The following TNR variants were observed in gnomAD, a reference collection of about 807,000 sequenced individuals.
The protein encoded by TNR is tenascin R, also known as tenascin-R.
TNR carries 45 observed loss-of-function variants against 150.4 expected under a neutral mutation model. That is an observed-to-expected ratio of 0.30 (90% CI 0.24 to 0.38). The LOEUF is 0.38. Ranked by LOEUF, TNR falls within the 10% of genes least tolerant of loss-of-function variation. TNR has a pLI of 1.00. For synonymous variants in TNR, 687 were observed against 678.4 expected (o/e 1.01, Z -0.20); for missense variants, 1,544 against 1,759.1 (o/e 0.88, Z 2.19).
chr1:175,629,430 C>T (rs1374474729), intron 1 of TNR, among the ~76,000 whole-genome samples: 3 of 152,142 alleles, frequency 2.0e-5, no homozygotes, highest in Non-Finnish European at 4.4e-5. Context: ...GGAGGGCAGG[C>T]CTGCAGAGAC....
intron 15 of TNR, among the ~76,000 whole-genome samples, chr1:175,357,606 GC>G (rs1409558238): frequency 6.6e-6 from 1 of 152,152 alleles, no homozygotes; most frequent in Non-Finnish European, 1.5e-5. Context: ...CTCTGCAAAT[GC>G]CCACAGTCTG....
At chr1:175,368,011 T>G (rs1330152877) in intron 9 of TNR, among the ~76,000 whole-genome samples, 1 of 152,150 alleles carries the variant, frequency 6.6e-6, no homozygotes, top group Non-Finnish European at 1.5e-5. Context: ...TCTGAGGAAA[T>G]CCTTTGGGAG....
At chr1:175,358,137 A>T (rs1557883095) in intron 15 of TNR, among the ~76,000 whole-genome samples, 2 of 152,172 alleles carry the variant, frequency 1.3e-5, no homozygotes, top group African/African-American at 4.8e-5. Flanking sequence ...AAAATGCGGG[A>T]TCATGTTATG....
At chr1:175,398,550 G>A (rs750179970) in intron 4 of TNR, among the ~76,000 whole-genome samples, 29 of 152,206 alleles carry the variant, frequency 1.9e-4, no homozygotes, top group Non-Finnish European at 2.6e-4. Flanking sequence ...TTTAGAACCT[G>A]TCAGGATTTT....
intron 1 of TNR, among the ~76,000 whole-genome samples, chr1:175,696,228 T>TTG (rs1558077878): frequency 1.7e-5 from 2 of 120,926 alleles, no homozygotes; most frequent in African/African-American, 5.8e-5. Flanking sequence ...TTTTTTTTTT[T>TTG]TTTTTTTTTT....
At chr1:175,373,457 G>C (rs1280797279) in intron 9 of TNR, among the ~76,000 whole-genome samples, 1 of 152,166 alleles carries the variant, frequency 6.6e-6, no homozygotes, top group African/African-American at 2.4e-5. Context: ...AATGACAGGT[G>C]CATCTTCAGG....
chr1:175,407,349 T>C (rs909243941), intron 2 of TNR, among the ~76,000 whole-genome samples: 1 of 152,262 alleles, frequency 6.6e-6, no homozygotes, highest in Non-Finnish European at 1.5e-5. Flanking sequence ...CATTTGTGAT[T>C]ATCTAGGGCT....
chr1:175,446,393 T>C (rs952876891), intron 2 of TNR, among the ~76,000 whole-genome samples: 1 of 152,238 alleles, frequency 6.6e-6, no homozygotes, highest in Admixed American at 6.5e-5. Context: ...TATTTTTTCT[T>C]TATTTTAGTT....
chr1:175,357,727 A>G (rs975344926), intron 15 of TNR, among the ~76,000 whole-genome samples: 17 of 152,182 alleles, frequency 1.1e-4, no homozygotes, highest in African/African-American at 3.9e-4. Flanking sequence ...AGCCCACTGG[A>G]CATGGCCCAT....
At chr1:175,666,180 A>T (rs1665527791) in intron 1 of TNR, among the ~76,000 whole-genome samples, 1 of 152,192 alleles carries the variant, frequency 6.6e-6, no homozygotes, top group Non-Finnish European at 1.5e-5. Context: ...GAACATTGAG[A>T]CTCAGAGAGG....
intron 4 of TNR, among the ~76,000 whole-genome samples, chr1:175,401,925 A>G (rs1040427692): frequency 1.3e-5 from 2 of 152,258 alleles, no homozygotes; most frequent in Non-Finnish European, 1.5e-5. Flanking sequence ...ACTGTTTAAA[A>G]CATAAACAAA....
chr1:175,590,381 T>G (rs1470620187), intron 1 of TNR, among the ~76,000 whole-genome samples: 1 of 152,248 alleles, frequency 6.6e-6, no homozygotes, highest in Non-Finnish European at 1.5e-5. Context: ...ATTATTTATT[T>G]TAACTGCTGA....
At chr1:175,438,211 A>C (rs563778601) in intron 2 of TNR, among the ~76,000 whole-genome samples, 37 of 152,328 alleles carry the variant, frequency 2.4e-4, no homozygotes, top group African/African-American at 7.9e-4. Flanking sequence ...CTGGGATGCA[A>C]GGCTGGTTCA....
intron 1 of TNR, among the ~76,000 whole-genome samples, chr1:175,670,761 G>T (rs147145674): frequency 6.6e-6 from 1 of 152,300 alleles, no homozygotes; most frequent in Non-Finnish European, 1.5e-5. Context: ...GAGAGAGGGG[G>T]ATGTGGATAC....
intron 1 of TNR, among the ~76,000 whole-genome samples, chr1:175,640,513 C>T (rs1244711382): frequency 1.3e-5 from 2 of 152,090 alleles, no homozygotes; most frequent in Non-Finnish European, 2.9e-5. Context: ...AATCTTTATT[C>T]TAAAAGCTTA....
chr1:175,632,072 G>A (rs1421611352), intron 1 of TNR, among the ~76,000 whole-genome samples: 2 of 152,230 alleles, frequency 1.3e-5, no homozygotes, highest in African/African-American at 4.8e-5. Context: ...ACTGGGAGAA[G>A]GAACCTTAGC....
At chr1:175,696,217 GTTTTTTTTTT>G (rs5778870) in intron 1 of TNR, among the ~76,000 whole-genome samples, 1 of 40,460 alleles carries the variant, frequency 2.5e-5, no homozygotes, top group Non-Finnish European at 5.1e-5. Flanking sequence ...CCTTCCTGTA[GTTTTTTTTTT>G]TTTTTTTTTT....
chr1:175,577,652 G>A (rs780756441), intron 1 of TNR, among the ~76,000 whole-genome samples: 15 of 152,002 alleles, frequency 9.9e-5, no homozygotes, highest in Admixed American at 3.3e-4. Flanking sequence ...CCCTTCCTGC[G>A]CCTGTAAATA....
intron 2 of TNR, among the ~76,000 whole-genome samples, chr1:175,422,658 TC>T (rs1354630959): frequency 6.6e-6 from 1 of 152,142 alleles, no homozygotes; most frequent in Non-Finnish European, 1.5e-5. Context: ...ATTGTAGGTC[TC>T]CCCCCTAACC....
Sources: allele counts gnomAD v4.1 joint callset (sites outside exome capture counted in the v4.1 genomes callset), GRCh38; gene constraint gnomAD v4.1.1; transcripts MANE v1.5; gene names NCBI Gene and HGNC (gene_info 2026-07-23, HGNC 2026-07-21).